RAB19: variants seen among roughly 807,000 people sequenced by gnomAD.
RAB19 encodes the protein ras-related protein Rab-19.
In RAB19, 21 loss-of-function variants were observed where a neutral mutation model predicts 17.3. That is an observed-to-expected ratio of 1.21 (90% CI 0.86 to 1.74). The LOEUF (loss-of-function observed/expected upper bound fraction) is 1.74. RAB19 is among the 40% of genes most tolerant of loss of function. The probability of loss-of-function intolerance (pLI) is 0.00; values close to 1 mark genes in which losing one functional copy is unlikely to be tolerated. For synonymous variants in RAB19, 126 were observed against 110.4 expected, an observed-to-expected ratio of 1.14 and a Z score of -0.88; for missense variants, 277 against 286.8, an observed-to-expected ratio of 0.97 and a Z score of 0.25.
intron 3 of RAB19, among the ~76,000 whole-genome samples, chr7:140,417,113 A>G (rs4305810): frequency 0.62 from 92,517 of 149,738 alleles, 28,779 homozygotes; most frequent in East Asian, 0.77. Context: ...GTGAGTGCCT[A>G]TAGTCCCAGC....
intron 2 of RAB19, among the ~76,000 whole-genome samples, chr7:140,408,468 CTTTTTG>C (rs1205212976): frequency 1.3e-5 from 2 of 151,580 alleles, no homozygotes; most frequent in East Asian, 1.9e-4. Flanking sequence ...GTAGACAGGG[CTTTTTG>C]TTTTTGTTTT....
In RAB19 at chr7:140,407,855, G is replaced by A; in HGVS notation, c.201+8G>A. 6.3e-7 allele frequency: 1 copy of A among 1,594,840 alleles called. No individual in the cohort carries two copies. The highest frequency in any genetic ancestry group is 8.6e-7 in the Non-Finnish European group (1 of 1,163,858). On this transcript the variant is annotated splice_region_variant and intron_variant, in intron 2 of 3. Transcript: ENST00000537763. ...GACGGCAAAAAAGTGAAGGTCAGAG[G>A]GCACCGGGACGGGACTGGTTCCACC...
At chr7:140,412,129 A>C in intron 3 of RAB19, 72 bp downstream of exon 3, 1 of 1,419,070 alleles carries the variant, frequency 7.0e-7, no homozygotes, top group Non-Finnish European at 9.8e-7. Flanking sequence ...GCATGTTTCT[A>C]ATGACAGTGG....
At chr7:140,423,124 A>T (rs946315090) in intron 3 of RAB19, among the ~76,000 whole-genome samples, 1 of 150,800 alleles carries the variant, frequency 6.6e-6, no homozygotes, top group Admixed American at 6.6e-5. Flanking sequence ...CAAATAAATA[A>T]ATAAGGTAGA....
chr7:140,410,647 T>C (rs1354712731), intron 2 of RAB19, among the ~76,000 whole-genome samples: 3 of 151,562 alleles, frequency 2.0e-5, no homozygotes, highest in Non-Finnish European at 4.4e-5. Context: ...TTCGTACAGA[T>C]GGGGTTTCAC....
At position 140,426,241 on chromosome 7, in the gene RAB19, T is replaced by C; in HGVS notation, c.*91T>C. 2.7e-6 allele frequency: 4 copies of C among 1,474,060 alleles called. No individual in the cohort carries two copies. Among genetic ancestry groups the C allele is most frequent in the Non-Finnish European group, 3.6e-6 (4 of 1,098,758 alleles). 91.3% of individuals were successfully genotyped at this position (1,474,060 alleles called of 1,614,324 possible). ...CCGTAGTGTTGCCCCAGTGGCGCTT[T>C]AGACCCCAGCGTGGACTTGCCGCTC... On this transcript the variant is annotated 3_prime_UTR_variant, in exon 4 of 4. Transcript: ENST00000537763.
At chr7:140,408,254 A>G (rs1416171302) in intron 2 of RAB19, among the ~76,000 whole-genome samples, 2 of 152,000 alleles carry the variant, frequency 1.3e-5, no homozygotes, top group Non-Finnish European at 2.9e-5. Flanking sequence ...ATTTCAGTAC[A>G]AAACATGAAA....
chr7:140,414,879 G>T (rs1302592926), intron 3 of RAB19, among the ~76,000 whole-genome samples: 1 of 151,958 alleles, frequency 6.6e-6, no homozygotes, highest in Non-Finnish European at 1.5e-5. Context: ...TGGCTACAGG[G>T]GGCCCAGCTC....
At chr7:140,414,137 C>T (rs944176021) in intron 3 of RAB19, among the ~76,000 whole-genome samples, 9 of 152,230 alleles carry the variant, frequency 5.9e-5, no homozygotes, top group Middle Eastern at 6.8e-3. Flanking sequence ...CTCTGCCTCT[C>T]GGGTTCAAGC....
intron 2 of RAB19, 31 bp downstream of exon 2, chr7:140,407,878 ACCTT>A: frequency 2.4e-5 from 20 of 835,448 alleles, no homozygotes; most frequent in Middle Eastern, 4.0e-4. Context: ...GACTGGTTCC[ACCTT>A]TTTTTTTTTT....
chr7:140,416,703 G>A (rs1799463987), intron 3 of RAB19, among the ~76,000 whole-genome samples: 7 of 152,168 alleles, frequency 4.6e-5, no homozygotes, highest in South Asian at 4.1e-4. Context: ...ACCCCAGAGT[G>A]TGCAGCCCTG....
chr7:140,414,938 A>G (rs1799428500), intron 3 of RAB19, among the ~76,000 whole-genome samples: 1 of 152,028 alleles, frequency 6.6e-6, no homozygotes, highest in Non-Finnish European at 1.5e-5. Context: ...TTTCCCTTAG[A>G]ATGATGTACA....
rs1799673220 is a variant in RAB19, at chr7:140,426,415, G to A, written c.*265G>A. 3.9e-5 allele frequency among the ~76,000 whole-genome samples: 6 copies of A among 152,156 alleles called. No individual in the cohort carries two copies. The highest frequency in any genetic ancestry group is 3.9e-4 in the Admixed American group (6 of 15,270). ...GCAGGACTTCAGGCTAGGAGAGGGA[G>A]GACGAAGTGTACTCTTCTCCCCTTT... On this transcript the variant is annotated 3_prime_UTR_variant, in exon 4 of 4. Coordinates refer to ENST00000537763, the MANE Select transcript of RAB19 (RefSeq NM_001008749.3).
At chr7:140,406,873 A>C (rs1799251598) in intron 1 of RAB19, among the ~76,000 whole-genome samples, 1 of 150,198 alleles carries the variant, frequency 6.7e-6, no homozygotes, top group African/African-American at 2.5e-5. Flanking sequence ...GATGGTCAGT[A>C]GTTTTTTGTT....
At position 140,411,946 on chromosome 7, in the gene RAB19, G is replaced by A. The variant is rs189143966; in HGVS notation, c.274G>A (p.Ala92Thr). The change falls in exon 3 of 4, where the codon GCA (alanine) becomes ACA (threonine). Residue 92 changes from alanine to threonine, a missense_variant. Ala to Thr is a moderately conservative substitution (Grantham distance 58, BLOSUM62 0). Transcript: ENST00000537763. Reference protein sequence around the residue: ...ITQSYYRSAHAAIIAYDLTRR... With the variant: ...ITQSYYRSAHTAIIAYDLTRR... ...CCAAAGCTACTACCGCAGTGCCCAC[G>A]CAGCCATCATCGCCTATGACCTCAC... 8.7e-6 allele frequency: 14 copies of A among 1,614,192 alleles called. No homozygotes were observed. In the East Asian group the frequency reaches 1.6e-4, roughly 18 times the overall value.
chr7:140,410,307 A>ATTTTTTTTTTTT (rs1799330888), intron 2 of RAB19, among the ~76,000 whole-genome samples: 1 of 55,036 alleles, frequency 1.8e-5, no homozygotes, highest in Non-Finnish European at 3.5e-5. Flanking sequence ...TAATTTTTGT[A>ATTTTTTTTTTTT]TTTTTCTTTT....
intron 3 of RAB19, among the ~76,000 whole-genome samples, chr7:140,412,633 G>T (rs1006783033): frequency 2.6e-5 from 4 of 151,258 alleles, no homozygotes; most frequent in Admixed American, 6.6e-5. Flanking sequence ...CTCCCAAAGT[G>T]CTGGGATTAC....
chr7:140,405,630 G>A (rs755683934), intron 1 of RAB19, among the ~76,000 whole-genome samples: 18 of 151,636 alleles, frequency 1.2e-4, no homozygotes, highest in Non-Finnish European at 2.4e-4. Flanking sequence ...CTTCTGCCTC[G>A]GCCTGCCAAA....
In RAB19 at chr7:140,410,018, T is replaced by C. The variant is rs563259014; in HGVS notation, c.202-1856T>C. Among the ~76,000 whole-genome samples the C allele has an allele frequency of 2.6e-4, 37 of 144,730 alleles. No individual in the cohort carries two copies. In the East Asian group the frequency reaches 6.9e-3, roughly 27 times the overall value. 94.9% of individuals were successfully genotyped at this position (144,730 alleles called of 152,430 possible). A position where few individuals can be genotyped will look rare whatever the true frequency, so the allele number is the denominator to read the frequency against. The stretch of plus-strand genomic sequence containing the variant: ...AAAAAAAAAAAAAAAAAAAAGATAA[T>C]AAATAAAAATTTAAAAAATTAAAAA... On this transcript the variant is annotated intron_variant, in intron 2 of 3. Transcript: ENST00000537763.
Sources: gnomAD v4.1 joint callset for allele counts (sites outside exome capture counted in the v4.1 genomes callset) on GRCh38, gnomAD v4.1.1 for gene constraint, MANE v1.5 for transcripts, NCBI Gene and HGNC (gene_info 2026-07-23, HGNC 2026-07-21) for gene names.